Variants in CGNL1 observed in about 807,000 individuals in gnomAD.
CGNL1 encodes cingulin like 1, also known as cingulin-like protein 1.
In CGNL1, 132 loss-of-function variants were observed where a neutral mutation model predicts 141.2. The ratio of observed to expected loss-of-function variants is 0.93; its 90% confidence interval spans 0.81 to 1.08. The LOEUF (loss-of-function observed/expected upper bound fraction) is 1.08. Ranked by LOEUF, CGNL1 falls within the 50% of genes least tolerant of loss-of-function variation. The probability of loss-of-function intolerance (pLI) is 0.00; values close to 1 mark genes in which losing one functional copy is unlikely to be tolerated. For missense variants in CGNL1, 1,870 were observed against 1,588.6 expected (o/e 1.18, Z -3.01); for synonymous variants, 690 against 622.1 (o/e 1.11, Z -1.63).
intron 8 of CGNL1, among the ~76,000 whole-genome samples, chr15:57,510,377 G>A (rs145633514): frequency 6.6e-6 from 1 of 152,374 alleles, no homozygotes; most frequent in East Asian, 1.9e-4. Context: ...GTTTGGATCT[G>A]ATCTGGCTGA....
Position 57,488,500 on chromosome 15 carries a change from C to T in CGNL1, c.2403+26608C>T, listed in dbSNP as rs147925923. 1.5e-3 allele frequency among the ~76,000 whole-genome samples: 225 copies of T among 152,240 alleles called. 1 individual carries two copies. The highest frequency in any genetic ancestry group is 5.2e-3 in the African/African-American group (217 of 41,538). On this transcript the variant is annotated intron_variant, in intron 8 of 18. Transcript: ENST00000281282. Reference sequence around the variant, plus strand: ...TGAAGACCTTCTCTTCTTCTGCAGTCGAGTGAGAAGTGAGCAGAACTGGTG... The same window carrying T: ...TGAAGACCTTCTCTTCTTCTGCAGTTGAGTGAGAAGTGAGCAGAACTGGTG...
intron 14 of CGNL1, among the ~76,000 whole-genome samples, chr15:57,540,316 G>T (rs1401409223): frequency 6.6e-6 from 1 of 152,176 alleles, no homozygotes; most frequent in Non-Finnish European, 1.5e-5. Context: ...GAGGCCTTAT[G>T]ATCATGGCTG....
At chr15:57,393,258 T>C (rs757212393) in intron 1 of CGNL1, among the ~76,000 whole-genome samples, 2 of 152,244 alleles carry the variant, frequency 1.3e-5, no homozygotes, top group Non-Finnish European at 2.9e-5. Flanking sequence ...CCTTCTGCAA[T>C]GGCCACCGGA....
Position 57,531,721 on chromosome 15 carries a change from A to G in CGNL1, c.3233A>G (p.Glu1078Gly). The part of the protein sequence containing the change: ...DKVSQLEMEL[E>G]EERNNSDLLS... ...GTGTCTCAACTGGAGATGGAACTGGAAGAAGAGAGAAACAACTCAGATTTG... is the reference window on the plus strand; with the variant it reads ...GTGTCTCAACTGGAGATGGAACTGGGAGAAGAGAGAAACAACTCAGATTTG... Residue 1078 changes from glutamate (E) to glycine (G), a missense_variant, in exon 14 of 19, where the codon GAA becomes GGA. Coordinates refer to ENST00000281282, the MANE Select transcript of CGNL1 (RefSeq NM_032866.5). 1 of 1,613,220 alleles carries G rather than the reference A, an allele frequency of 6.2e-7. No homozygotes were observed. The highest frequency in any genetic ancestry group is 8.5e-7 in the Non-Finnish European group (1 of 1,179,188).
intron 7 of CGNL1, among the ~76,000 whole-genome samples, chr15:57,461,391 A>G (rs2063444315): frequency 6.6e-6 from 1 of 152,212 alleles, no homozygotes; most frequent in Non-Finnish European, 1.5e-5. Context: ...TGGAAGATAC[A>G]GACGTGTTCC....
chr15:57,411,447 C>CTT lies in CGNL1; in HGVS notation c.-15-26525_-15-26524dup, dbSNP rs112940511. Among the ~76,000 whole-genome samples the CTT allele has an allele frequency of 9.2e-4, 131 of 142,156 alleles. 1 individual carries two copies. The highest frequency in any genetic ancestry group is 3.1e-3 in the African/African-American group (120 of 38,866). 93.3% of individuals were successfully genotyped at this position (142,156 alleles called of 152,430 possible). A position where few individuals can be genotyped will look rare whatever the true frequency, so the allele number is the denominator to read the frequency against. ...CCACTAGTTTTCTTTTTTTCTTTTT[C>CTT]TTTTTTTTTTTTTTGAGACAGAGCC... On this transcript the variant is annotated intron_variant, in intron 1 of 18. Coordinates refer to ENST00000281282, the MANE Select transcript of CGNL1 (RefSeq NM_032866.5).
intron 1 of CGNL1, among the ~76,000 whole-genome samples, chr15:57,411,728 G>A (rs902921881): frequency 6.6e-6 from 1 of 151,384 alleles, no homozygotes; most frequent in African/African-American, 2.4e-5. Flanking sequence ...TACAGCATGA[G>A]CCACCGCACC....
chr15:57,501,868 CA>C (rs1410395677), intron 8 of CGNL1, among the ~76,000 whole-genome samples: 1 of 152,250 alleles, frequency 6.6e-6, no homozygotes, highest in East Asian at 1.9e-4. Flanking sequence ...GCGGCACTCA[CA>C]GGGGGGAAGT....
At chr15:57,491,700 G>A (rs1206495845) in intron 8 of CGNL1, among the ~76,000 whole-genome samples, 6 of 152,160 alleles carry the variant, frequency 3.9e-5, no homozygotes, top group South Asian at 2.1e-4. Context: ...ATGAATCTCC[G>A]TTATAGAAGA....
chr15:57,438,622 C>T lies in CGNL1; in HGVS notation c.623C>T (p.Pro208Leu), dbSNP rs184995021. 91 of 1,613,822 alleles carry T rather than the reference C, an allele frequency of 5.6e-5. No homozygotes were observed. Among genetic ancestry groups the T allele is most frequent in the Admixed American group, 1.8e-4 (11 of 59,992 alleles). ...SQPTSPSLED[P>L]AKSGVTAIRL... ...CCTACCAGTCCCTCCTTGGAAGACCCGGCCAAATCTGGTGTGACAGCTATT... is the reference window on the plus strand; with the variant it reads ...CCTACCAGTCCCTCCTTGGAAGACCTGGCCAAATCTGGTGTGACAGCTATT... The change falls in exon 2 of 19, where the codon CCG becomes CTG. Residue 208 changes from proline to leucine, a missense_variant. By Grantham distance (98) the Pro-to-Leu change is moderately conservative. Coordinates refer to ENST00000281282, the MANE Select transcript of CGNL1 (RefSeq NM_032866.5).
intron 1 of CGNL1, among the ~76,000 whole-genome samples, chr15:57,414,047 G>A (rs1406030778): frequency 6.6e-6 from 1 of 152,232 alleles, no homozygotes; most frequent in Non-Finnish European, 1.5e-5. Context: ...TATGTGAAGA[G>A]AAGGTTTACT....
chr15:57,491,489 A>T (rs1215450969), intron 8 of CGNL1, among the ~76,000 whole-genome samples: 1 of 152,110 alleles, frequency 6.6e-6, no homozygotes, highest in East Asian at 1.9e-4. Context: ...ATTCATCTTT[A>T]TGCACAGCTT....
chr15:57,547,320 A>T (rs935009077), intron 18 of CGNL1, 35 bp from the exon 19 acceptor site: 2 of 1,610,798 alleles, frequency 1.2e-6, no homozygotes, highest in South Asian at 2.2e-5. Context: ...GCCCCGGCCC[A>T]GGGCCAGGAA....
At chr15:57,546,401 T>C (rs928030986) in intron 18 of CGNL1, among the ~76,000 whole-genome samples, 162 bp downstream of exon 18, 4 of 152,148 alleles carry the variant, frequency 2.6e-5, no homozygotes, top group African/African-American at 9.7e-5. Flanking sequence ...TCCACTTTAG[T>C]CACCTTACAT....
At chr15:57,494,636 G>T (rs181113232) in intron 8 of CGNL1, among the ~76,000 whole-genome samples, 1 of 152,170 alleles carries the variant, frequency 6.6e-6, no homozygotes, top group South Asian at 2.1e-4. Flanking sequence ...GGGGCTAAAT[G>T]GTCCCGATTC....
chr15:57,530,569 C>A (rs1169675802), intron 13 of CGNL1, among the ~76,000 whole-genome samples: 1 of 152,178 alleles, frequency 6.6e-6, no homozygotes, highest in African/African-American at 2.4e-5. Context: ...TCTTGTGGAT[C>A]CTGAGTGATG....
At chr15:57,414,767 G>A (rs1490951995) in intron 1 of CGNL1, among the ~76,000 whole-genome samples, 1 of 152,200 alleles carries the variant, frequency 6.6e-6, no homozygotes, top group Non-Finnish European at 1.5e-5. Flanking sequence ...TTAGGCCGAG[G>A]TTAGGGTTAG....
chr15:57,480,161 G>A (rs1279290402), intron 8 of CGNL1, among the ~76,000 whole-genome samples: 2 of 147,764 alleles, frequency 1.4e-5, no homozygotes, highest in African/African-American at 5.2e-5. Context: ...TTTATCACCT[G>A]AGATGGGTAA....
Position 57,438,134 on chromosome 15 carries a change from G to C in CGNL1, c.135G>C (p.Arg45=), listed in dbSNP as rs1158638323. The C allele has an allele frequency of 2.5e-6, 4 of 1,614,112 alleles. No homozygotes were observed. The highest frequency in any genetic ancestry group is 3.4e-6 in the Non-Finnish European group (4 of 1,180,024). ...CAGGCTCCTACGGTGTCAGTATTCG[G>C]GTCCAGGGAATTGATGGTCACCCCT... The part of the protein sequence containing the change: ...SKAGSYGVSI[R]VQGIDGHPYI... Residue 45 remains arginine, a synonymous_variant, in exon 2 of 19, where the codon CGG becomes CGC. Coordinates refer to ENST00000281282, the MANE Select transcript of CGNL1 (RefSeq NM_032866.5).
Sources: allele counts gnomAD v4.1 joint callset (sites outside exome capture counted in the v4.1 genomes callset), GRCh38; gene constraint gnomAD v4.1.1; transcripts MANE v1.5; gene names NCBI Gene and HGNC (gene_info 2026-07-23, HGNC 2026-07-21).